The following IL17B variants were observed in gnomAD, a reference collection of about 807,000 sequenced individuals.
The protein encoded by IL17B is interleukin-17B.
Under a neutral mutation model 14.7 loss-of-function variants are expected in IL17B, and 14 were observed. The observed-to-expected ratio is 0.95, with a 90% CI of 0.63 to 1.49. The LOEUF (loss-of-function observed/expected upper bound fraction) is 1.49. Ranked by LOEUF, IL17B falls within the 40% of genes most tolerant of loss-of-function variation. The pLI is 0.00. For missense variants in IL17B, 233 were observed against 252.8 expected (o/e 0.92, Z 0.53); for synonymous variants, 105 against 94.8 (o/e 1.11, Z -0.62).
rs1220052552 is a variant in IL17B at position 149,377,013 on chromosome 5, TAAG to T, written c.31_33del (p.Leu11del). The T allele has an allele frequency of 6.4e-7, 1 of 1,552,500 alleles. No homozygotes were observed. The highest frequency in any genetic ancestry group is 2.1e-5 in the Admixed American group (1 of 48,228). ...CCCAGCCCCAGGAAGATGGAAATGG[TAAG>T]AAGAAACAGCTGGGGAGGAAAGCCA... is the stretch of plus-strand genomic sequence containing the variant. On this transcript the variant is annotated inframe_deletion, in exon 2 of 3. Coordinates refer to ENST00000261796, the MANE Select transcript of IL17B (RefSeq NM_014443.3).
intron 2 of IL17B, among the ~76,000 whole-genome samples, chr5:149,376,004 G>A (rs952932804): frequency 5.3e-5 from 8 of 152,226 alleles, no homozygotes; most frequent in African/African-American, 1.9e-4. Flanking sequence ...AGAAAGTTCT[G>A]GTGAACAGTG....
chr5:149,385,373 A>T (rs1210225165), intron 1 of IL17B, among the ~76,000 whole-genome samples: 4 of 151,620 alleles, frequency 2.6e-5, no homozygotes, highest in Non-Finnish European at 5.9e-5. Flanking sequence ...ACAAAAAAAA[A>T]TCCTGACCTC....
intron 2 of IL17B, chr5:149,375,094 A>C (rs1323731044): frequency 6.5e-6 from 1 of 153,916 alleles, no homozygotes; most frequent in Non-Finnish European, 1.4e-5. Flanking sequence ...CCACGGAAAT[A>C]AAGTGTGGAT....
At chr5:149,401,699 G>T (rs575927765) in intron 1 of IL17B, among the ~76,000 whole-genome samples, 1 of 152,192 alleles carries the variant, frequency 6.6e-6, no homozygotes, top group Non-Finnish European at 1.5e-5. Context: ...AAGTTACAGT[G>T]AGCCAAGATT....
intron 1 of IL17B, among the ~76,000 whole-genome samples, chr5:149,391,649 C>T (rs879299583): frequency 2.6e-5 from 4 of 152,194 alleles, no homozygotes; most frequent in Non-Finnish European, 4.4e-5. Context: ...AGCACCTCTC[C>T]TTCATCTCTC....
chr5:149,389,880 G>A (rs1377606609), intron 1 of IL17B, among the ~76,000 whole-genome samples: 2 of 152,152 alleles, frequency 1.3e-5, no homozygotes, highest in Non-Finnish European at 2.9e-5. Context: ...GGTGGTTTAC[G>A]AAGGCTTGGA....
Position 149,374,331 on chromosome 5 carries a change from G to T in IL17B, c.*38C>A. 1 of 1,504,328 alleles carries T rather than the reference G, an allele frequency of 6.6e-7. No homozygotes were observed. The highest frequency in any genetic ancestry group is 1.2e-5 in the South Asian group (1 of 80,418). 93.2% of individuals were successfully genotyped at this position (1,504,328 alleles called of 1,614,324 possible). A position where few individuals can be genotyped will look rare whatever the true frequency, so the allele number is the denominator to read the frequency against. ...CTTGGCACAAAGGTGCAAGGAGGATGGTCTCGGGCTGCTGGCCTGGCTTCT... is the reference window on the plus strand; with the variant it reads ...CTTGGCACAAAGGTGCAAGGAGGATTGTCTCGGGCTGCTGGCCTGGCTTCT... On this transcript the variant is annotated 3_prime_UTR_variant, in exon 3 of 3. Transcript: ENST00000261796. This position sits in a 1 kb window ranked among gnomAD's most constrained non-coding sequence, Gnocchi z 5.0.
intron 1 of IL17B, among the ~76,000 whole-genome samples, chr5:149,378,620 A>C (rs2227468): frequency 0.04 from 6,029 of 152,350 alleles, 151 homozygotes; most frequent in East Asian, 0.079. Flanking sequence ...TCTTGACCCT[A>C]GGAAACAAGT....
chr5:149,383,407 G>C (rs183466155), upstream of IL17B, among the ~76,000 whole-genome samples: 5 of 152,324 alleles, frequency 3.3e-5, no homozygotes, highest in African/African-American at 9.6e-5. Flanking sequence ...AGGCCAGGGG[G>C]ACCTGAAGGA....
intron 1 of IL17B, among the ~76,000 whole-genome samples, chr5:149,393,540 T>A (rs1290724023): frequency 6.6e-6 from 1 of 152,262 alleles, no homozygotes; most frequent in Non-Finnish European, 1.5e-5. Flanking sequence ...AATTCCTGCA[T>A]CTTCCGAAAC....
intron 1 of IL17B, among the ~76,000 whole-genome samples, chr5:149,402,578 C>G (rs1224689908): frequency 6.6e-6 from 1 of 151,856 alleles, no homozygotes; most frequent in Non-Finnish European, 1.5e-5. Flanking sequence ...ATTCAACCTC[C>G]AGCAGGGCGC....
chr5:149,377,770 T>C (rs1758584619), intron 1 of IL17B, among the ~76,000 whole-genome samples: 1 of 135,972 alleles, frequency 7.4e-6, no homozygotes, highest in South Asian at 2.6e-4. Flanking sequence ...ATGGCAGGCA[T>C]GGGCTGAGGG....
chr5:149,403,940 C>T (rs1012021344), intron 1 of IL17B, among the ~76,000 whole-genome samples: 3 of 152,136 alleles, frequency 2.0e-5, no homozygotes, highest in Non-Finnish European at 2.9e-5. Context: ...GAAGTAGAGC[C>T]GGCTCTCCCA....
At chr5:149,379,493 G>A (rs2227445), upstream of IL17B, among the ~76,000 whole-genome samples, 5,622 of 152,324 alleles carry the variant, frequency 0.037, 126 homozygotes, top group East Asian at 0.086. Context: ...ACAATGCCCT[G>A]TGTGTCTGGT....
chr5:149,387,241 G>A (rs73795996), intron 1 of IL17B, among the ~76,000 whole-genome samples: 1 of 152,184 alleles, frequency 6.6e-6, no homozygotes, highest in African/African-American at 2.4e-5. Context: ...CCATTGGAAG[G>A]TCAGTTCTCA....
Position 149,374,639 on chromosome 5 carries a change from C to A in IL17B, c.312-39G>T. 1.3e-6 allele frequency: 2 copies of A among 1,535,004 alleles called. No homozygotes were observed. The highest frequency in any genetic ancestry group is 2.3e-5 in the South Asian group (2 of 86,690). On this transcript the variant is annotated intron_variant, in intron 2 of 2. Coordinates refer to ENST00000261796, the MANE Select transcript of IL17B (RefSeq NM_014443.3). The surrounding 1 kb of genome is among the most constrained non-coding windows in gnomAD (Gnocchi z 5.0). The stretch of plus-strand genomic sequence containing the variant: ...AAGAAAGAGCAGAGCGGAAGGTGAT[C>A]AGGAAAGGGCCAGTCAGCACCCATA...
chr5:149,391,440 C>T (rs1363023836), intron 1 of IL17B, among the ~76,000 whole-genome samples: 2 of 152,206 alleles, frequency 1.3e-5, no homozygotes, highest in African/African-American at 2.4e-5. Flanking sequence ...TTTCCTTTAA[C>T]ACCAGGATAA....
At position 149,374,735 on chromosome 5, in the gene IL17B, G is replaced by A; in HGVS notation, c.312-135C>T. ...AAGACTGTGTTGGGCTGGAGGAAAGGCAGTAATCAACTCCATGTTCCACGT... is the reference window on the plus strand; with the variant it reads ...AAGACTGTGTTGGGCTGGAGGAAAGACAGTAATCAACTCCATGTTCCACGT... On this transcript the variant is annotated intron_variant, in intron 2 of 2. Transcript: ENST00000261796. The surrounding 1 kb of genome is among the most constrained non-coding windows in gnomAD (Gnocchi z 5.0). 3 of 663,638 alleles carry A rather than the reference G, an allele frequency of 4.5e-6. No homozygotes were observed. Among genetic ancestry groups the A allele is most frequent in the Non-Finnish European group, 5.0e-6 (2 of 398,738 alleles). 41.1% of individuals were successfully genotyped at this position (663,638 alleles called of 1,614,324 possible).
At chr5:149,403,034 C>G (rs1027670617) in intron 1 of IL17B, among the ~76,000 whole-genome samples, 6 of 147,522 alleles carry the variant, frequency 4.1e-5, no homozygotes, top group African/African-American at 1.3e-4. Flanking sequence ...AACTCAATAG[C>G]AAGTTGTAGA....
Sources: allele counts gnomAD v4.1 joint callset (sites outside exome capture counted in the v4.1 genomes callset), GRCh38; gene constraint gnomAD v4.1.1; non-coding constraint Gnocchi (gnomAD v3.1); transcripts MANE v1.5; gene names NCBI Gene and HGNC (gene_info 2026-07-23, HGNC 2026-07-21).